EPHA5: variants seen among roughly 807,000 people sequenced by gnomAD.
EPHA5 encodes the protein EPH receptor A5, also known as ephrin type-A receptor 5.
EPHA5 carries 60 observed loss-of-function variants against 105.0 expected under a neutral mutation model. That is an observed-to-expected ratio of 0.57 (90% CI 0.46 to 0.71). EPHA5 has a LOEUF of 0.71. Among genes scored for constraint, EPHA5 ranks in the 30% least tolerant of loss-of-function variants. The probability of loss-of-function intolerance (pLI) is 0.00; values close to 1 mark genes in which losing one functional copy is unlikely to be tolerated. For missense variants in EPHA5, 1,218 were observed against 1,274.7 expected (o/e 0.96, Z 0.68); for synonymous variants, 513 against 449.1 (o/e 1.14, Z -1.80).
intron 3 of EPHA5, among the ~76,000 whole-genome samples, chr4:65,538,304 G>A (rs1031522940): frequency 6.6e-6 from 1 of 151,702 alleles, no homozygotes; most frequent in African/African-American, 2.4e-5. Context: ...AGCAAAAATA[G>A]TTCTGGGAGC....
At chr4:65,339,880 G>A (rs1259804476) in intron 14 of EPHA5, among the ~76,000 whole-genome samples, 1 of 152,142 alleles carries the variant, frequency 6.6e-6, no homozygotes, top group Non-Finnish European at 1.5e-5. Flanking sequence ...CAGACATGGG[G>A]AGAACCCGCA....
intron 3 of EPHA5, among the ~76,000 whole-genome samples, chr4:65,501,358 C>G (rs1330916577): frequency 6.6e-6 from 1 of 151,432 alleles, no homozygotes; most frequent in Non-Finnish European, 1.5e-5. Flanking sequence ...TTAGAAAACC[C>G]TAGAAACTTC....
chr4:65,460,477 T>G (rs1214712549), intron 5 of EPHA5, among the ~76,000 whole-genome samples: 1 of 151,264 alleles, frequency 6.6e-6, no homozygotes, highest in Non-Finnish European at 1.5e-5. Flanking sequence ...TGTAAATAAC[T>G]TAGTTTTGTG....
intron 3 of EPHA5, among the ~76,000 whole-genome samples, chr4:65,502,161 A>G (rs1327925192): frequency 6.6e-6 from 1 of 151,684 alleles, no homozygotes; most frequent in Non-Finnish European, 1.5e-5. Context: ...AGAAGAAAAC[A>G]TTAGGAAACA....
At chr4:65,609,794 T>C (rs1467382114) in intron 2 of EPHA5, among the ~76,000 whole-genome samples, 1 of 150,944 alleles carries the variant, frequency 6.6e-6, no homozygotes, top group Non-Finnish European at 1.5e-5. Context: ...ATACACACAA[T>C]TAGAACAGTT....
intron 3 of EPHA5, among the ~76,000 whole-genome samples, chr4:65,501,427 A>G (rs1732475987): frequency 6.6e-6 from 1 of 151,688 alleles, no homozygotes; most frequent in Admixed American, 6.6e-5. Context: ...TGCAAAATCA[A>G]TGTATAAAAA....
chr4:65,635,592 G>GC (rs1747047503), intron 2 of EPHA5, among the ~76,000 whole-genome samples: 1 of 151,746 alleles, frequency 6.6e-6, no homozygotes, highest in Non-Finnish European at 1.5e-5. Context: ...CATAACAACA[G>GC]CTTACAGAAA....
intron 5 of EPHA5, among the ~76,000 whole-genome samples, chr4:65,422,787 T>G (rs1455673006): frequency 6.6e-6 from 1 of 152,096 alleles, no homozygotes; most frequent in Non-Finnish European, 1.5e-5. Flanking sequence ...GTTTCAAATT[T>G]TTAAAGTTTT....
At chr4:65,609,386 A>T (rs1406663302) in intron 2 of EPHA5, among the ~76,000 whole-genome samples, 1 of 152,084 alleles carries the variant, frequency 6.6e-6, no homozygotes, top group African/African-American at 2.4e-5. Context: ...GCTAGAAATG[A>T]CTCTATTAAT....
At chr4:65,556,919 G>A (rs537374723) in intron 3 of EPHA5, among the ~76,000 whole-genome samples, 2 of 151,792 alleles carry the variant, frequency 1.3e-5, no homozygotes, top group African/African-American at 2.4e-5. Flanking sequence ...CTAAATTCAC[G>A]GAATGTTGCA....
rs529844986 is a variant in EPHA5, at chr4:65,459,722, C to T, written c.1402+30655G>A. ...CAAACATGGAAACAATAAAATGAAA[C>T]CTAAATTTTTATATTTATGCATTTC... On this transcript the variant is annotated intron_variant, in intron 5 of 16. Coordinates refer to ENST00000613740, the MANE Select transcript of EPHA5 (RefSeq NM_001281766.3). Among the ~76,000 whole-genome samples, 6 of 151,614 alleles carry T rather than the reference C, an allele frequency of 4.0e-5. No homozygotes were observed. In the South Asian group the frequency reaches 1.0e-3, roughly 26 times the overall value.
intron 3 of EPHA5, among the ~76,000 whole-genome samples, chr4:65,580,242 T>C (rs1741481751): frequency 6.6e-6 from 1 of 151,902 alleles, no homozygotes; most frequent in Non-Finnish European, 1.5e-5. Flanking sequence ...TATTAGGTTA[T>C]AGCTGCTGTA....
intron 2 of EPHA5, among the ~76,000 whole-genome samples, chr4:65,610,193 A>G (rs1171203510): frequency 6.6e-6 from 1 of 152,128 alleles, no homozygotes; most frequent in East Asian, 1.9e-4. Context: ...AGTCTAATAC[A>G]CAACCATTAA....
At chr4:65,587,482 A>T (rs1742228306) in intron 3 of EPHA5, among the ~76,000 whole-genome samples, 1 of 152,188 alleles carries the variant, frequency 6.6e-6, no homozygotes, top group African/African-American at 2.4e-5. Context: ...TGTGTCCAAG[A>T]ATGTACAGAC....
chr4:65,604,726 T>G (rs1466676369), intron 2 of EPHA5, among the ~76,000 whole-genome samples: 1 of 128,072 alleles, frequency 7.8e-6, no homozygotes, highest in Non-Finnish European at 1.8e-5. Flanking sequence ...AAATCAGGTA[T>G]GTAAAAAAAA....
chr4:65,657,650 A>T (rs913160334), intron 1 of EPHA5, among the ~76,000 whole-genome samples: 2 of 152,162 alleles, frequency 1.3e-5, no homozygotes, highest in Non-Finnish European at 2.9e-5. Flanking sequence ...TCTATTGGTT[A>T]TGGATTTATG....
At chr4:65,664,567 A>G (rs1167428688) in intron 1 of EPHA5, among the ~76,000 whole-genome samples, 1 of 151,948 alleles carries the variant, frequency 6.6e-6, no homozygotes, top group African/African-American at 2.4e-5. Flanking sequence ...TCAGTTAACT[A>G]TCCCATTAGG....
At chr4:65,612,488 CA>C (rs1744870805) in intron 2 of EPHA5, among the ~76,000 whole-genome samples, 1 of 152,160 alleles carries the variant, frequency 6.6e-6, no homozygotes, top group Non-Finnish European at 1.5e-5. Context: ...CATGTTTCTG[CA>C]AAAGACATTA....
At chr4:65,570,704 A>C (rs1362925869) in intron 3 of EPHA5, among the ~76,000 whole-genome samples, 2 of 151,988 alleles carry the variant, frequency 1.3e-5, no homozygotes, top group Non-Finnish European at 2.9e-5. Context: ...CATCTCTGAA[A>C]AAAAATCGTA....
Sources: allele counts gnomAD v4.1 joint callset (sites outside exome capture counted in the v4.1 genomes callset), GRCh38; gene constraint gnomAD v4.1.1; transcripts MANE v1.5; gene names NCBI Gene and HGNC (gene_info 2026-07-23, HGNC 2026-07-21).